The following ANKH variants were observed in gnomAD, a reference collection of about 807,000 sequenced individuals.
ANKH encodes mineralization regulator ANKH.
ANKH carries 15 observed loss-of-function variants against 49.0 expected under a neutral mutation model. That is an observed-to-expected ratio of 0.31 (90% CI 0.20 to 0.47). The LOEUF (loss-of-function observed/expected upper bound fraction) is 0.47, where lower values mean the gene tolerates loss of function less well. Among genes scored for constraint, ANKH ranks in the 20% least tolerant of loss-of-function variants. The probability of loss-of-function intolerance (pLI) is 1.00; values close to 1 mark genes in which losing one functional copy is unlikely to be tolerated. For missense variants in ANKH, 429 were observed against 652.0 expected, an observed-to-expected ratio of 0.66 and a Z score of 3.72; for synonymous variants, 273 against 260.0, an observed-to-expected ratio of 1.05 and a Z score of -0.48.
intron 4 of ANKH, among the ~76,000 whole-genome samples, chr5:14,754,301 G>A (rs371840824): frequency 2.6e-5 from 4 of 151,936 alleles, no homozygotes; most frequent in Admixed American, 6.6e-5. Context: ...GTCCTTGGAT[G>A]GGTACTATGT....
chr5:14,788,258 C>G (rs1341867607), intron 1 of ANKH: 1 of 152,248 alleles, frequency 6.6e-6, no homozygotes, highest in Non-Finnish European at 1.5e-5. Context: ...AGAACAAGGT[C>G]AATTCCTTCC....
intron 1 of ANKH, among the ~76,000 whole-genome samples, chr5:14,792,977 T>C (rs1458435045): frequency 6.8e-5 from 8 of 117,282 alleles, no homozygotes; most frequent in Admixed American, 2.2e-4. Context: ...AACTCCATCA[T>C]ATATATATAT....
At chr5:14,711,900 T>C (rs1382449721) in intron 11 of ANKH, among the ~76,000 whole-genome samples, 7 of 152,158 alleles carry the variant, frequency 4.6e-5, no homozygotes, top group Admixed American at 4.6e-4. Context: ...ACCTTGCCAT[T>C]ATCGACACAC....
intron 7 of ANKH, among the ~76,000 whole-genome samples, chr5:14,742,490 T>C (rs563704421): frequency 3.3e-5 from 5 of 152,302 alleles, no homozygotes; most frequent in Admixed American, 3.3e-4. Flanking sequence ...CCTCCTGCCA[T>C]TGAATCCTGA....
intron 2 of ANKH, among the ~76,000 whole-genome samples, chr5:14,766,875 G>A (rs1194701014): frequency 6.6e-6 from 1 of 152,154 alleles, no homozygotes; most frequent in Non-Finnish European, 1.5e-5. Context: ...ATGGCTTTTC[G>A]AGTCAAATAT....
Position 14,853,721 on chromosome 5 carries a change from G to A in ANKH, c.96+17631C>T, listed in dbSNP as rs184958598. ...CTCTCTTCGCCCAGGCTGGAGTGCA[G>A]TGGCGCGATAGAAAGGTGTATTTTA... On this transcript the variant is annotated intron_variant, in intron 1 of 11. Transcript: ENST00000284268. Among the ~76,000 whole-genome samples the A allele has an allele frequency of 5.3e-5, 8 of 152,204 alleles. No individual in the cohort carries two copies. In the East Asian group the frequency reaches 1.5e-3, roughly 29 times the overall value.
intron 1 of ANKH, among the ~76,000 whole-genome samples, chr5:14,800,677 C>G (rs933406594): frequency 2.6e-5 from 4 of 151,518 alleles, no homozygotes; most frequent in Admixed American, 1.3e-4. Context: ...AGTCCTAATA[C>G]ATTGCACACT....
chr5:14,730,930 G>T (rs903265923), intron 8 of ANKH, among the ~76,000 whole-genome samples: 7 of 152,328 alleles, frequency 4.6e-5, no homozygotes, highest in Admixed American at 3.3e-4. Context: ...CTGGCGGGGG[G>T]AAAAGGGGCG....
chr5:14,817,804 G>C (rs373369512), intron 1 of ANKH, among the ~76,000 whole-genome samples: 16 of 152,076 alleles, frequency 1.1e-4, no homozygotes, highest in African/African-American at 3.9e-4. Flanking sequence ...TATAAGAGAG[G>C]GTTAACAATT....
chr5:14,769,206 A>C lies in ANKH; in HGVS notation c.97-15T>G. ...CGGTTCAAGGCCTGGGAAGGGGGAA[A>C]AAAACCCACAAGCATTAGAAATGTC... On this transcript the variant is annotated splice_polypyrimidine_tract_variant and intron_variant, in intron 1 of 11. Transcript: ENST00000284268. The C allele has an allele frequency of 3.1e-6, 5 of 1,599,962 alleles. No individual in the cohort carries two copies. Among genetic ancestry groups the C allele is most frequent in the Non-Finnish European group, 4.3e-6 (5 of 1,171,034 alleles).
intron 1 of ANKH, chr5:14,798,489 C>A: frequency 2.2e-6 from 2 of 897,308 alleles, no homozygotes; most frequent in East Asian, 2.9e-5. Flanking sequence ...CACGCGGTCT[C>A]TATTTTTTTT....
intron 1 of ANKH, among the ~76,000 whole-genome samples, chr5:14,853,703 C>T (rs1299202885): frequency 1.3e-5 from 2 of 151,912 alleles, no homozygotes; most frequent in South Asian, 2.1e-4. Context: ...TTGCTCTCTT[C>T]GCCCAGGCTG....
At position 14,708,907 on chromosome 5, in the gene ANKH, T is replaced by TA. The variant is rs941339254; in HGVS notation, c.*2289_*2290insT. The TA allele has an allele frequency of 2.0e-5, 3 of 152,062 alleles. No homozygotes were observed. Among genetic ancestry groups the TA allele is most frequent in the African/African-American group, 7.3e-5 (3 of 41,350 alleles). 9.4% of individuals were successfully genotyped at this position (152,062 alleles called of 1,614,324 possible). ...TTAGAGGGAAAGGATTTTTTTTTTTTTTGAGATGGAGTTTTGCTCTTGTCA... is the reference window on the plus strand; with the variant it reads ...TTAGAGGGAAAGGATTTTTTTTTTTTATTGAGATGGAGTTTTGCTCTTGTCA... On this transcript the variant is annotated 3_prime_UTR_variant, in exon 12 of 12. Coordinates refer to ENST00000284268, the MANE Select transcript of ANKH (RefSeq NM_054027.6).
intron 2 of ANKH, among the ~76,000 whole-genome samples, chr5:14,760,058 C>T (rs147426523): frequency 6.6e-6 from 1 of 151,820 alleles, no homozygotes; most frequent in African/African-American, 2.4e-5. Flanking sequence ...TGGGGCAGGT[C>T]GGGGAGAGTG....
At chr5:14,727,123 A>C (rs1580009750) in intron 8 of ANKH, among the ~76,000 whole-genome samples, 1 of 152,216 alleles carries the variant, frequency 6.6e-6, no homozygotes, top group East Asian at 1.9e-4. Context: ...AGCAAACAAT[A>C]GATGAAAAAT....
At chr5:14,831,443 A>G (rs1395082344) in intron 1 of ANKH, among the ~76,000 whole-genome samples, 1 of 152,212 alleles carries the variant, frequency 6.6e-6, no homozygotes, top group East Asian at 1.9e-4. Context: ...ACCTTGCTGT[A>G]GTTGAGTTCA....
intron 1 of ANKH, among the ~76,000 whole-genome samples, chr5:14,853,401 C>T (rs1257003393): frequency 6.6e-6 from 1 of 152,022 alleles, no homozygotes; most frequent in Non-Finnish European, 1.5e-5. Context: ...CATAGTGAGA[C>T]CCTGTCTCCA....
At chr5:14,786,699 G>A (rs1311412529) in intron 1 of ANKH, among the ~76,000 whole-genome samples, 1 of 152,174 alleles carries the variant, frequency 6.6e-6, no homozygotes, top group Admixed American at 6.5e-5. Flanking sequence ...CGAATAATGG[G>A]AAATGTCAGA....
At chr5:14,726,220 C>T (rs1365273579) in intron 8 of ANKH, among the ~76,000 whole-genome samples, 2 of 152,180 alleles carry the variant, frequency 1.3e-5, no homozygotes. Context: ...TGCTGTCTTG[C>T]TCGACTTTCC....
Sources: allele counts gnomAD v4.1 joint callset (sites outside exome capture counted in the v4.1 genomes callset), GRCh38; gene constraint gnomAD v4.1.1; transcripts MANE v1.5; gene names NCBI Gene and HGNC (gene_info 2026-07-23, HGNC 2026-07-21).